RASGEF1A: variants seen among roughly 807,000 people sequenced by gnomAD.
RASGEF1A encodes RasGEF domain family member 1A, also known as ras-GEF domain-containing family member 1A.
A neutral mutation model predicts 56.4 loss-of-function variants in RASGEF1A; 18 were observed. That is an observed-to-expected ratio of 0.32 (90% CI 0.22 to 0.47). The LOEUF is 0.47. Ranked by LOEUF, RASGEF1A falls within the 20% of genes least tolerant of loss-of-function variation. RASGEF1A has a pLI of 1.00. For synonymous variants in RASGEF1A, 245 were observed against 242.6 expected (o/e 1.01, Z -0.09); for missense variants, 422 against 627.1 (o/e 0.67, Z 3.49).
At chr10:43,236,777 G>A (rs72783242) in intron 1 of RASGEF1A, among the ~76,000 whole-genome samples, 30,071 of 152,216 alleles carry the variant, frequency 0.2, 3,142 homozygotes, top group Admixed American at 0.27. Flanking sequence ...CTCAGGGCTC[G>A]CCCCTCCCTC....
At chr10:43,261,473 G>A (rs562585677) in intron 1 of RASGEF1A, among the ~76,000 whole-genome samples, 42 of 152,314 alleles carry the variant, frequency 2.8e-4, no homozygotes, top group African/African-American at 8.7e-4. Flanking sequence ...GCCTGGCCTC[G>A]CCAGTGGGGG....
intron 1 of RASGEF1A, among the ~76,000 whole-genome samples, chr10:43,235,905 T>A (rs889747266): frequency 2.0e-5 from 3 of 151,464 alleles, no homozygotes; most frequent in Non-Finnish European, 2.9e-5. Context: ...TTCCCCGAGA[T>A]GAAGCAGATG....
At chr10:43,216,457 C>T (rs565607969) in intron 1 of RASGEF1A, among the ~76,000 whole-genome samples, 26 of 152,342 alleles carry the variant, frequency 1.7e-4, no homozygotes, top group South Asian at 4.1e-4. Context: ...GAGTCAGGCG[C>T]AATTTGTAAG....
intron 1 of RASGEF1A, among the ~76,000 whole-genome samples, chr10:43,263,253 G>T (rs1019497121): frequency 6.6e-6 from 1 of 152,124 alleles, no homozygotes. Context: ...CCCAGGAAAT[G>T]GGTGTCTGGG....
chr10:43,241,883 AT>A (rs1296720453), intron 1 of RASGEF1A, among the ~76,000 whole-genome samples: 1 of 152,232 alleles, frequency 6.6e-6, no homozygotes, highest in African/African-American at 2.4e-5. Flanking sequence ...CACGCCTGTA[AT>A]CCCAGCACTT....
chr10:43,255,355 G>A (rs918965178), intron 1 of RASGEF1A, among the ~76,000 whole-genome samples: 2 of 152,110 alleles, frequency 1.3e-5, no homozygotes, highest in Non-Finnish European at 2.9e-5. Context: ...GACGGCTCCA[G>A]GATATCCTGG....
chr10:43,249,615 C>T (rs1039007758), intron 1 of RASGEF1A, among the ~76,000 whole-genome samples: 1 of 152,228 alleles, frequency 6.6e-6, no homozygotes, highest in African/African-American at 2.4e-5. Context: ...CAAGATGGGA[C>T]TGAAATGTCA....
rs981843195 is a variant in RASGEF1A, at chr10:43,202,985, C to A, written c.321+313G>T. On this transcript the variant is annotated intron_variant, in intron 3 of 12. Transcript: ENST00000395810. ...CCACAGCCCCAGCCAGGCCACGCCC[C>A]AACCCTAGCCATGACCCCGCCCCCT... Among the ~76,000 whole-genome samples the A allele has an allele frequency of 8.0e-5, 12 of 149,600 alleles. No individual in the cohort carries two copies. In the South Asian group the frequency reaches 2.1e-3, roughly 27 times the overall value.
chr10:43,266,686 C>CCCCGCGCCCGGAG (rs1427805841), intron 1 of RASGEF1A, among the ~76,000 whole-genome samples, 159 bp downstream of exon 1: 3 of 146,352 alleles, frequency 2.0e-5, no homozygotes, highest in Middle Eastern at 3.3e-3. Context: ...GCGTCCCCCG[C>CCCCGCGCCCGGAG]CCCGCGCCCG....
chr10:43,236,010 CT>C (rs1840426971), intron 1 of RASGEF1A, among the ~76,000 whole-genome samples: 2 of 152,280 alleles, frequency 1.3e-5, no homozygotes, highest in South Asian at 2.1e-4. Flanking sequence ...GATAATACCC[CT>C]GACACCCCAA....
chr10:43,243,554 C>T lies in RASGEF1A; in HGVS notation c.-7+23291G>A, dbSNP rs1276159893. 2.7e-5 allele frequency among the ~76,000 whole-genome samples: 4 copies of T among 148,342 alleles called. No individual in the cohort carries two copies. In the East Asian group the frequency reaches 8.4e-4, roughly 31 times the overall value. On this transcript the variant is annotated intron_variant, in intron 1 of 12. Transcript: ENST00000395810. Reference sequence around the variant, plus strand: ...CTGGGAAGTGGGTGCCTCTGCCCGGCCGCCCCGTCTGGGAGGTGAGGGGCG... The same window carrying T: ...CTGGGAAGTGGGTGCCTCTGCCCGGTCGCCCCGTCTGGGAGGTGAGGGGCG...
At position 43,196,248 on chromosome 10, in the gene RASGEF1A, G is replaced by A. The variant is rs542449479; in HGVS notation, c.1442C>T (p.Ala481Val). 4 of 1,613,402 alleles carry A rather than the reference G, an allele frequency of 2.5e-6. No homozygotes were observed. In the Admixed American group the frequency reaches 6.7e-5, roughly 27 times the overall value. ...KTLRTTLLNRA is the reference protein window; with the variant it reads ...KTLRTTLLNRV ...GCGTCGCGGGCTGCATCCGCCTCAG[G>A]CTCTGTTCAGAAGGGTGGTCCTAGA... The change falls in exon 13 of 13, where the codon GCC (alanine) becomes GTC (valine). Residue 481 changes from alanine to valine, a missense_variant. Coordinates refer to ENST00000395810, the MANE Select transcript of RASGEF1A (RefSeq NM_145313.4). The surrounding 1 kb of genome is among the most constrained non-coding windows in gnomAD (Gnocchi z 4.6).
intron 1 of RASGEF1A, chr10:43,207,477 G>C (rs1840013645): frequency 1.0e-6 from 1 of 984,660 alleles, no homozygotes; most frequent in African/African-American, 1.8e-5. Flanking sequence ...AGGGAAAAAA[G>C]AGCATCTGGC....
At chr10:43,253,499 C>CT (rs528466474) in intron 1 of RASGEF1A, among the ~76,000 whole-genome samples, 144 of 152,352 alleles carry the variant, frequency 9.5e-4, no homozygotes, top group African/African-American at 3.3e-3. Context: ...ATTGTATTCA[C>CT]AAGTCCTTAA....
intron 1 of RASGEF1A, among the ~76,000 whole-genome samples, chr10:43,256,207 T>C (rs1588952797): frequency 6.6e-6 from 1 of 152,156 alleles, no homozygotes; most frequent in African/African-American, 2.4e-5. Context: ...TGAGGGGGCC[T>C]GGAGCCAGGA....
chr10:43,208,467 A>AG (rs2133192091), intron 1 of RASGEF1A: 1 of 985,538 alleles, frequency 1.0e-6, no homozygotes, highest in East Asian at 1.1e-4. Context: ...GCAGCCAGAG[A>AG]GGGGCTGGGA....
At chr10:43,237,596 A>G (rs140215159) in intron 1 of RASGEF1A, among the ~76,000 whole-genome samples, 67 of 152,074 alleles carry the variant, frequency 4.4e-4, no homozygotes, top group Non-Finnish European at 6.3e-4. Flanking sequence ...TGCATCTGCT[A>G]TTTTGCAGCC....
At chr10:43,240,347 C>T (rs1840485868) in intron 1 of RASGEF1A, among the ~76,000 whole-genome samples, 1 of 152,180 alleles carries the variant, frequency 6.6e-6, no homozygotes, top group African/African-American at 2.4e-5. Flanking sequence ...TAAACAGCAG[C>T]AACAACAAAC....
intron 1 of RASGEF1A, chr10:43,208,058 G>C: frequency 3.0e-6 from 3 of 985,420 alleles, no homozygotes; most frequent in Non-Finnish European, 3.6e-6. Flanking sequence ...ATGAAGTCAC[G>C]AAGGCGGGCT....
Sources: allele counts gnomAD v4.1 joint callset (sites outside exome capture counted in the v4.1 genomes callset), GRCh38; gene constraint gnomAD v4.1.1; non-coding constraint Gnocchi (gnomAD v3.1); transcripts MANE v1.5; gene names NCBI Gene and HGNC (gene_info 2026-07-23, HGNC 2026-07-21).